Variants in CCNY observed in about 807,000 individuals in gnomAD.
CCNY encodes the protein cyclin-Y.
CCNY carries 19 observed loss-of-function variants against 42.8 expected under a neutral mutation model. The ratio of observed to expected loss-of-function variants is 0.44; its 90% CI spans 0.31 to 0.65. The LOEUF (loss-of-function observed/expected upper bound fraction) is 0.65. CCNY is among the 30% of genes least tolerant of loss of function. The probability of loss-of-function intolerance (pLI) is 0.07; values close to 1 mark genes in which losing one functional copy is unlikely to be tolerated. For missense variants in CCNY, 370 were observed against 437.3 expected, an observed-to-expected ratio of 0.85 and a Z score of 1.37; for synonymous variants, 165 against 162.7, an observed-to-expected ratio of 1.01 and a Z score of -0.11.
intron 1 of CCNY, among the ~76,000 whole-genome samples, chr10:35,376,734 G>A (rs1304748137): frequency 6.6e-6 from 1 of 152,220 alleles, no homozygotes; most frequent in Admixed American, 6.5e-5. Flanking sequence ...GGGAAGTAAT[G>A]ATACCTGATA....
chr10:35,497,490 C>T (rs992724913), intron 2 of CCNY, among the ~76,000 whole-genome samples: 5 of 152,266 alleles, frequency 3.3e-5, no homozygotes, highest in Admixed American at 2.0e-4. Context: ...GTAATCCCAG[C>T]GCTTTGGGAG....
intron 1 of CCNY, among the ~76,000 whole-genome samples, chr10:35,402,027 T>G (rs888288848): frequency 9.9e-5 from 15 of 152,220 alleles, no homozygotes; most frequent in African/African-American, 3.6e-4. Context: ...CGTTCCTGTC[T>G]TCTTATATTA....
chr10:35,409,004 T>C (rs894085173), intron 1 of CCNY, among the ~76,000 whole-genome samples: 1 of 152,138 alleles, frequency 6.6e-6, no homozygotes, highest in Non-Finnish European at 1.5e-5. Flanking sequence ...TATTTTGTCT[T>C]GACCCAATGC....
At chr10:35,362,914 G>A (rs1360504735) in intron 1 of CCNY, among the ~76,000 whole-genome samples, 1 of 151,388 alleles carries the variant, frequency 6.6e-6, no homozygotes, top group Non-Finnish European at 1.5e-5. Flanking sequence ...GGCGGCAGCC[G>A]GACAGAGGCG....
chr10:35,285,263 T>C (rs1273300157), intron 3 of CCNY, among the ~76,000 whole-genome samples: 1 of 152,144 alleles, frequency 6.6e-6, no homozygotes, highest in Non-Finnish European at 1.5e-5. Context: ...TTGAAACTCC[T>C]GACCTCAAGT....
intron 1 of CCNY, among the ~76,000 whole-genome samples, chr10:35,375,396 C>G (rs1340363317): frequency 1.3e-5 from 2 of 152,170 alleles, no homozygotes; most frequent in African/African-American, 4.8e-5. Flanking sequence ...CTCCTGCCTC[C>G]CTTTTTAGGA....
intron 7 of CCNY, among the ~76,000 whole-genome samples, chr10:35,552,509 A>AATGTACC (rs1163086251): frequency 6.6e-6 from 1 of 152,240 alleles, no homozygotes; most frequent in Non-Finnish European, 1.5e-5. Flanking sequence ...CAACAGTGTG[A>AATGTACC]ATGTACCTAA....
chr10:35,554,313 C>T (rs1841320238), intron 8 of CCNY, among the ~76,000 whole-genome samples: 1 of 152,160 alleles, frequency 6.6e-6, no homozygotes, highest in African/African-American at 2.4e-5. Flanking sequence ...GTTCTTAGGG[C>T]ATTTGTTGCA....
intron 3 of CCNY, among the ~76,000 whole-genome samples, chr10:35,314,389 C>T (rs1368329099): frequency 6.6e-6 from 1 of 152,096 alleles, no homozygotes; most frequent in East Asian, 1.9e-4. Flanking sequence ...ACCATCAACT[C>T]TCATGAGACT....
intron 1 of CCNY, among the ~76,000 whole-genome samples, chr10:35,383,352 G>T (rs1243522296): frequency 6.6e-6 from 1 of 151,702 alleles, no homozygotes; most frequent in Non-Finnish European, 1.5e-5. Flanking sequence ...CTGTTGCCCA[G>T]GCTGGAGTGC....
intron 1 of CCNY, among the ~76,000 whole-genome samples, chr10:35,469,667 C>T (rs559318848): frequency 3.5e-5 from 5 of 142,926 alleles, no homozygotes; most frequent in Non-Finnish European, 6.1e-5. Context: ...GAGAGTCAGA[C>T]GGGAGATGGA....
chr10:35,538,263 C>G (rs1564450568), intron 7 of CCNY, among the ~76,000 whole-genome samples: 1 of 152,146 alleles, frequency 6.6e-6, no homozygotes, highest in Non-Finnish European at 1.5e-5. Flanking sequence ...ATGTCTTTTT[C>G]AGCAGCATGA....
chr10:35,311,732 TC>T (rs1835686779), intron 3 of CCNY, among the ~76,000 whole-genome samples: 1 of 133,946 alleles, frequency 7.5e-6, no homozygotes, highest in Non-Finnish European at 1.6e-5. Context: ...ACGCCTGTAA[TC>T]CCAACAATTT....
At chr10:35,327,562 T>A (rs889850125) in intron 3 of CCNY, 17 of 152,226 alleles carry the variant, frequency 1.1e-4, no homozygotes, top group Non-Finnish European at 2.2e-4. Flanking sequence ...CAGGAGTAGA[T>A]GTATTTTTAC....
intron 3 of CCNY, among the ~76,000 whole-genome samples, chr10:35,319,278 G>T (rs2504364): frequency 6.6e-6 from 1 of 152,140 alleles, no homozygotes; most frequent in Non-Finnish European, 1.5e-5. Context: ...AATTTGAAAC[G>T]CTGAGGCAGG....
intron 1 of CCNY, among the ~76,000 whole-genome samples, chr10:35,475,975 C>T (rs1415533899): frequency 1.3e-5 from 2 of 152,096 alleles, no homozygotes; most frequent in Non-Finnish European, 2.9e-5. Context: ...CAAAAAAAGG[C>T]AGGGGTTGCA....
At chr10:35,419,062 A>G (rs1171529787) in intron 1 of CCNY, among the ~76,000 whole-genome samples, 2 of 151,814 alleles carry the variant, frequency 1.3e-5, no homozygotes, top group African/African-American at 4.8e-5. Flanking sequence ...CTCGTGATCA[A>G]CCCGCCTCCC....
At chr10:35,456,476 T>G (rs1160547946) in intron 1 of CCNY, among the ~76,000 whole-genome samples, 4 of 152,242 alleles carry the variant, frequency 2.6e-5, no homozygotes, top group Admixed American at 2.0e-4. Context: ...TTGCACAGGA[T>G]TCGGAGGCAC....
intron 1 of CCNY, among the ~76,000 whole-genome samples, chr10:35,396,504 G>T (rs954801936): frequency 7.2e-5 from 11 of 152,222 alleles, no homozygotes; most frequent in Admixed American, 6.5e-4. Flanking sequence ...CTGCCTCTCT[G>T]GTACTGTTAA....
Sources: allele counts gnomAD v4.1 joint callset (sites outside exome capture counted in the v4.1 genomes callset), GRCh38; gene constraint gnomAD v4.1.1; transcripts MANE v1.5; gene names NCBI Gene and HGNC (gene_info 2026-07-23, HGNC 2026-07-21).